EFNA4: variants seen among roughly 807,000 people sequenced by gnomAD.
EFNA4 encodes ephrin A4, also known as ephrin-A4.
EFNA4 carries 22 observed loss-of-function variants against 23.7 expected under a neutral mutation model. The observed-to-expected ratio is 0.93, with a 90% CI of 0.66 to 1.32. EFNA4 has a LOEUF of 1.32. Among genes scored for constraint, EFNA4 ranks in the 40% most tolerant of loss-of-function variants. EFNA4 has a pLI of 0.00. For synonymous variants in EFNA4, 113 were observed against 108.3 expected, an observed-to-expected ratio of 1.04 and a Z score of -0.27; for missense variants, 252 against 252.3, an observed-to-expected ratio of 1.00 and a Z score of 0.01.
chr1:155,064,518 A>G (rs1662945163), intron 1 of EFNA4, among the ~76,000 whole-genome samples: 1 of 152,178 alleles, frequency 6.6e-6, no homozygotes, highest in Admixed American at 6.5e-5. Context: ...TCTCACCTGT[A>G]TAATGGGCTA....
Position 155,063,964 on chromosome 1 carries a change from C to CA in EFNA4, c.113+29dup. 2 of 1,514,304 alleles carry CA rather than the reference C, an allele frequency of 1.3e-6. No homozygotes were observed. Among genetic ancestry groups the CA allele is most frequent in the Non-Finnish European group, 1.8e-6 (2 of 1,128,184 alleles). The allele number at this position is 1,514,304 out of a possible 1,614,324, so 93.8% of individuals were successfully genotyped here. A position where few individuals can be genotyped will look rare whatever the true frequency, so the allele number is the denominator to read the frequency against. ...AGCCGGGCCGAACCGGGCGAGCGCA[C>CA]AGCCAAGTCTGCGCGCTCCCGGGCT... On this transcript the variant is annotated intron_variant, in intron 1 of 3. Coordinates refer to ENST00000368409, the MANE Select transcript of EFNA4 (RefSeq NM_005227.3). The surrounding 1 kb of genome is among the most constrained non-coding windows in gnomAD (Gnocchi z 4.1).
At chr1:155,065,881 C>T (rs1325508519) in intron 1 of EFNA4, among the ~76,000 whole-genome samples, 6 of 151,926 alleles carry the variant, frequency 3.9e-5, no homozygotes, top group South Asian at 2.1e-4. Context: ...TACAGGTGCC[C>T]GCCACCACGC....
At chr1:155,067,318 C>T in intron 2 of EFNA4, 54 bp from the exon 3 acceptor site, 1 of 1,588,986 alleles carries the variant, frequency 6.3e-7, no homozygotes. Flanking sequence ...CAGTCTGAGG[C>T]ATACAAAGGG....
intron 1 of EFNA4, 115 bp from the exon 2 acceptor site, chr1:155,066,615 C>T (rs557681401): frequency 3.8e-6 from 5 of 1,324,842 alleles, no homozygotes; most frequent in East Asian, 2.5e-5. Flanking sequence ...GCTGCTCCAT[C>T]GCACATGGGT....
intron 3 of EFNA4, among the ~76,000 whole-genome samples, chr1:155,068,533 C>T (rs1259105756): frequency 6.7e-6 from 1 of 148,172 alleles, no homozygotes; most frequent in African/African-American, 2.5e-5. Context: ...CCACTCGCCT[C>T]AGCCTTACAA....
intron 1 of EFNA4, among the ~76,000 whole-genome samples, chr1:155,064,193 TG>T (rs1183557104): frequency 6.6e-6 from 1 of 152,102 alleles, no homozygotes; most frequent in Non-Finnish European, 1.5e-5. Flanking sequence ...AGCATGGAGC[TG>T]GGGGGGCCTT....
In EFNA4 at chr1:155,067,382, T is replaced by A; in HGVS notation, c.411T>A (p.Thr137=). 1 of 1,614,134 alleles carries A rather than the reference T, an allele frequency of 6.2e-7. No individual in the cohort carries two copies. Among genetic ancestry groups the A allele is most frequent in the Non-Finnish European group, 8.5e-7 (1 of 1,180,008 alleles). ...GETYYYISVP[T]PESSGQCLRL... is the part of the protein sequence containing the mutation. ...TTTCCCACTACCCAGCGGTGCCCAC[T>A]CCAGAGAGTTCTGGCCAGTGCTTGA... Residue 137 remains threonine, a synonymous_variant, in exon 3 of 4, where the codon ACT becomes ACA. Transcript: ENST00000368409.
At chr1:155,067,348 T>C (rs1232629273) in intron 2 of EFNA4, 24 bp from the exon 3 acceptor site, 1 of 1,613,868 alleles carries the variant, frequency 6.2e-7, no homozygotes, top group African/African-American at 1.3e-5. Context: ...TGTGCTAACT[T>C]TTTCCCACTT....
Position 155,063,752 on chromosome 1 carries a change from T to C in EFNA4, c.-72T>C, listed in dbSNP as rs1464119917. 2 of 1,354,366 alleles carry C rather than the reference T, an allele frequency of 1.5e-6. No individual in the cohort carries two copies. The highest frequency in any genetic ancestry group is 9.8e-7 in the Non-Finnish European group (1 of 1,019,668). 83.9% of individuals were successfully genotyped at this position (1,354,366 alleles called of 1,614,324 possible). On this transcript the variant is annotated 5_prime_UTR_variant, in exon 1 of 4. Transcript: ENST00000368409. This position sits in a 1 kb window ranked among gnomAD's most constrained non-coding sequence, Gnocchi z 4.1. The stretch of plus-strand genomic sequence containing the variant: ...CTTTCCGCAACTTCCCTCTTCACTT[T>C]GTACCTTTCTCTCCTCGACTGTGAA...
At position 155,068,912 on chromosome 1, in the gene EFNA4, G is replaced by T; in HGVS notation, c.529G>T (p.Gly177Trp). 1 of 1,613,244 alleles carries T rather than the reference G, an allele frequency of 6.2e-7. No homozygotes were observed. The highest frequency in any genetic ancestry group is 1.1e-5 in the South Asian group (1 of 90,964). Residue 177 changes from glycine to tryptophan, a missense_variant, in exon 4 of 4, where the codon GGG becomes TGG. By Grantham distance (184) the Gly-to-Trp change is radical (BLOSUM62 -2). Transcript: ENST00000368409. ...AGAGAGTGGCACATCAGGGTGGCGAGGGGGGGACACTCCCAGCCCCCTCTG... is the reference window on the plus strand; with the variant it reads ...AGAGAGTGGCACATCAGGGTGGCGATGGGGGGACACTCCCAGCCCCCTCTG... ...PGESGTSGWR[G>W]GDTPSPLCLL... is the part of the protein sequence containing the mutation.
chr1:155,063,898 C>A lies in EFNA4; in HGVS notation c.75C>A (p.Ser25Arg). The change falls in exon 1 of 4, where the codon AGC (serine) becomes AGA (arginine). Residue 25 changes from serine (S) to arginine (R), a missense_variant. Ser to Arg is a moderately radical substitution (Grantham distance 110, BLOSUM62 -1). Transcript: ENST00000368409. The surrounding 1 kb of genome is among the most constrained non-coding windows in gnomAD (Gnocchi z 4.1). ...FLGSPLRGGSSLRHVVYWNSS... is the reference protein window; with the variant it reads ...FLGSPLRGGSRLRHVVYWNSS... ...GCTCCCCTCTGCGCGGGGGCTCCAG[C>A]CTCCGCCACGTAGTCTACTGGAACT... 1 of 1,568,404 alleles carries A rather than the reference C, an allele frequency of 6.4e-7. No individual in the cohort carries two copies. Among genetic ancestry groups the A allele is most frequent in the South Asian group, 1.2e-5 (1 of 85,096 alleles).
At chr1:155,065,557 T>C (rs1662997528) in intron 1 of EFNA4, among the ~76,000 whole-genome samples, 1 of 149,884 alleles carries the variant, frequency 6.7e-6, no homozygotes, top group Non-Finnish European at 1.5e-5. Flanking sequence ...ATTTTTAGAA[T>C]TTAGAGACAG....
intron 1 of EFNA4, among the ~76,000 whole-genome samples, chr1:155,064,845 A>G (rs578233112): frequency 1.3e-5 from 2 of 152,284 alleles, no homozygotes; most frequent in African/African-American, 4.8e-5. Context: ...AACTATATAG[A>G]TGAGAAGATC....
In EFNA4 at chr1:155,063,769, G is replaced by T. The variant is rs994855515; in HGVS notation, c.-55G>T. 1 of 1,429,860 alleles carries T rather than the reference G, an allele frequency of 7.0e-7. No individual in the cohort carries two copies. The highest frequency in any genetic ancestry group is 1.3e-5 in the South Asian group (1 of 75,304). 88.6% of individuals were successfully genotyped at this position (1,429,860 alleles called of 1,614,324 possible). A position where few individuals can be genotyped will look rare whatever the true frequency, so the allele number is the denominator to read the frequency against. Reference sequence around the variant, plus strand: ...CTTCACTTTGTACCTTTCTCTCCTCGACTGTGAAGCGGGCCGGGACCTGCC... The same window carrying T: ...CTTCACTTTGTACCTTTCTCTCCTCTACTGTGAAGCGGGCCGGGACCTGCC... On this transcript the variant is annotated 5_prime_UTR_variant, in exon 1 of 4. Coordinates refer to ENST00000368409, the MANE Select transcript of EFNA4 (RefSeq NM_005227.3). The surrounding 1 kb of genome is among the most constrained non-coding windows in gnomAD (Gnocchi z 4.1).
chr1:155,064,638 C>T (rs1337060591), intron 1 of EFNA4, among the ~76,000 whole-genome samples: 1 of 152,160 alleles, frequency 6.6e-6, no homozygotes, highest in Non-Finnish European at 1.5e-5. Context: ...TCCTGAGCTG[C>T]CTGCCTTTGA....
In EFNA4 at chr1:155,069,143, T is replaced by G. The variant is rs916014726; in HGVS notation, c.*154T>G. On this transcript the variant is annotated 3_prime_UTR_variant, in exon 4 of 4. Transcript: ENST00000368409. ...AGATCAGAGGGTCTGAGGTGACTCT[T>G]GCAGGAGCCTGTCCCCTCATCACAG... 6.2e-7 allele frequency: 1 copy of G among 1,610,102 alleles called. No individual in the cohort carries two copies. Among genetic ancestry groups the G allele is most frequent in the Non-Finnish European group, 8.5e-7 (1 of 1,178,770 alleles).
At chr1:155,064,556 G>T (rs1662946831) in intron 1 of EFNA4, among the ~76,000 whole-genome samples, 1 of 152,134 alleles carries the variant, frequency 6.6e-6, no homozygotes, top group East Asian at 1.9e-4. Flanking sequence ...GGGAAGTCTG[G>T]CAGGGTAAGT....
chr1:155,065,701 TTTATTTATTTA>T (rs1663007231), intron 1 of EFNA4, among the ~76,000 whole-genome samples: 1 of 9,748 alleles, frequency 1.0e-4, no homozygotes, highest in African/African-American at 2.8e-4. Flanking sequence ...ACTCATGGCC[TTTATTTATTTA>T]TTTATTTATT....
Position 155,063,951 on chromosome 1 carries a change from C to G in EFNA4, c.113+15C>G. On this transcript the variant is annotated intron_variant, in intron 1 of 3. Coordinates refer to ENST00000368409, the MANE Select transcript of EFNA4 (RefSeq NM_005227.3). The surrounding 1 kb of genome is among the most constrained non-coding windows in gnomAD (Gnocchi z 4.1). ...AGTAACCCCAGGTAGCCGGGCCGAA[C>G]CGGGCGAGCGCACAGCCAAGTCTGC... 6.5e-7 allele frequency: 1 copy of G among 1,533,882 alleles called. No individual in the cohort carries two copies. The highest frequency in any genetic ancestry group is 8.8e-7 in the Non-Finnish European group (1 of 1,140,880).
Sources: gnomAD v4.1 joint callset for allele counts (sites outside exome capture counted in the v4.1 genomes callset) on GRCh38, gnomAD v4.1.1 for gene constraint, Gnocchi (gnomAD v3.1) non-coding constraint, MANE v1.5 for transcripts, NCBI Gene and HGNC (gene_info 2026-07-23, HGNC 2026-07-21) for gene names.